The following SPG21 variants were observed in gnomAD, a reference collection of about 807,000 sequenced individuals.
The protein encoded by SPG21 is maspardin.
A neutral mutation model predicts 38.9 loss-of-function variants in SPG21; 26 were observed. The ratio of observed to expected loss-of-function variants is 0.67; its 90% CI spans 0.49 to 0.93. The LOEUF is 0.93. Among genes scored for constraint, SPG21 ranks in the 40% least tolerant of loss-of-function variants. The pLI is 0.00. For synonymous variants in SPG21, 136 were observed against 128.9 expected (o/e 1.05, Z -0.37); for missense variants, 333 against 376.5 (o/e 0.88, Z 0.96).
intron 5 of SPG21, 141 bp downstream of exon 5, chr15:64,974,461 C>A: frequency 1.0e-6 from 1 of 968,644 alleles, no homozygotes. Context: ...GGTGACAGAG[C>A]AAGACTCTGT....
intron 7 of SPG21, among the ~76,000 whole-genome samples, chr15:64,967,634 C>T (rs963722003): frequency 9.2e-5 from 14 of 152,082 alleles, no homozygotes; most frequent in East Asian, 1.9e-4. Context: ...CCACCATGCC[C>T]GGCTAATTTT....
chr15:64,987,797 G>A (rs2086025096), intron 1 of SPG21, among the ~76,000 whole-genome samples: 1 of 152,190 alleles, frequency 6.6e-6, no homozygotes. Context: ...CACTTTGGGA[G>A]GCTGAGGCAG....
intron 7 of SPG21, among the ~76,000 whole-genome samples, chr15:64,965,858 C>T (rs1049828703): frequency 2.6e-5 from 4 of 151,944 alleles, no homozygotes; most frequent in Admixed American, 6.6e-5. Context: ...TGCGCCATCA[C>T]GCCTGGCTAA....
chr15:64,983,908 C>T (rs1429389816), intron 1 of SPG21, among the ~76,000 whole-genome samples: 1 of 151,818 alleles, frequency 6.6e-6, no homozygotes, highest in Admixed American at 6.6e-5. Context: ...CTCAGCCTCC[C>T]GAGTATCTGG....
intron 2 of SPG21, chr15:64,981,247 T>A (rs1410423844): frequency 3.7e-6 from 2 of 534,348 alleles, no homozygotes; most frequent in Non-Finnish European, 6.6e-6. Flanking sequence ...TACTTTATAA[T>A]CTTCCAAAGG....
chr15:64,973,160 G>C (rs1414841491), intron 5 of SPG21, among the ~76,000 whole-genome samples: 1 of 151,832 alleles, frequency 6.6e-6, no homozygotes, highest in Non-Finnish European at 1.5e-5. Context: ...GTAGAGATGG[G>C]GTCTCACTAT....
chr15:64,964,115 A>T (rs898805555), intron 8 of SPG21, among the ~76,000 whole-genome samples: 1 of 152,170 alleles, frequency 6.6e-6, no homozygotes, highest in Non-Finnish European at 1.5e-5. Context: ...TTCTATAAAA[A>T]GTTTGGTAGG....
intron 7 of SPG21, 99 bp from the exon 8 acceptor site, chr15:64,965,559 C>T: frequency 1.9e-6 from 3 of 1,554,322 alleles, no homozygotes; most frequent in Non-Finnish European, 2.6e-6. Flanking sequence ...GTTCTTTTCA[C>T]ATTATGGAAA....
In SPG21 at chr15:64,976,556, C is replaced by A. The variant is rs1386151123; in HGVS notation, c.226-1G>T. The stretch of plus-strand genomic sequence containing the variant: ...GGTCCCAATAAACTGGATACTGCAA[C>A]TGAAATAATAACGATAATTTTATTT... On this transcript the variant is annotated splice_acceptor_variant, in intron 3 of 8. Transcript: ENST00000204566. LOFTEE classifies it high-confidence loss of function. 2 of 1,605,090 alleles carry A rather than the reference C, an allele frequency of 1.2e-6. No homozygotes were observed. The highest frequency in any genetic ancestry group is 2.2e-5 in the East Asian group (1 of 44,812).
chr15:64,976,431 T>TAA, intron 4 of SPG21, 44 bp downstream of exon 4: 22 of 1,348,668 alleles, frequency 1.6e-5, no homozygotes, highest in Non-Finnish European at 2.2e-5. Flanking sequence ...TCTCAAAAAA[T>TAA]AAAAAAAAAA....
chr15:64,967,217 C>T (rs1479355530), intron 7 of SPG21, among the ~76,000 whole-genome samples: 1 of 151,408 alleles, frequency 6.6e-6, no homozygotes, highest in East Asian at 1.9e-4. Flanking sequence ...AAGTAGGATA[C>T]ATCTACTATG....
intron 7 of SPG21, 125 bp downstream of exon 7, chr15:64,969,130 G>A (rs893632029): frequency 1.4e-6 from 1 of 712,386 alleles, no homozygotes; most frequent in South Asian, 1.6e-5. Flanking sequence ...AAGCTGGAGG[G>A]TAAAAACAAA....
intron 7 of SPG21, 120 bp from the exon 8 acceptor site, chr15:64,965,580 A>G: frequency 1.4e-6 from 2 of 1,456,592 alleles, no homozygotes; most frequent in Non-Finnish European, 1.9e-6. Flanking sequence ...TGTTACCCTA[A>G]GTATTCCTTT....
intron 3 of SPG21, among the ~76,000 whole-genome samples, chr15:64,977,389 ACTCT>A (rs1010218988): frequency 6.9e-6 from 1 of 143,994 alleles, no homozygotes; most frequent in African/African-American, 2.6e-5. Flanking sequence ...ATAGGGTCTC[ACTCT>A]CTCTCACCCA....
At chr15:64,974,279 A>G (rs1176480705) in intron 5 of SPG21, among the ~76,000 whole-genome samples, 3 of 152,170 alleles carry the variant, frequency 2.0e-5, no homozygotes, top group Non-Finnish European at 4.4e-5. Flanking sequence ...CCAGCATGGG[A>G]CAACATGGCA....
rs749945579 is a variant in SPG21, at chr15:64,963,703, C to T, written c.844G>A (p.Ala282Thr). Residue 282 changes from alanine (A) to threonine (T), a missense_variant, in exon 9 of 9, where the codon GCG (alanine) becomes ACG (threonine). Physicochemically the swap from Ala to Thr is moderately conservative, Grantham distance 58. Transcript: ENST00000204566. Reference sequence around the variant, plus strand: ...CTGACCATTGATGGGTCAATGGCCGCGTATTTGGTTCCATGGAATTGCAGC... The same window carrying T: ...CTGACCATTGATGGGTCAATGGCCGTGTATTTGGTTCCATGGAATTGCAGC... ...HLLQFHGTKY[A>T]AIDPSMVSAE... The T allele has an allele frequency of 1.5e-5, 25 of 1,613,998 alleles. No individual in the cohort carries two copies. In the East Asian group the frequency reaches 1.6e-4, roughly 10 times the overall value.
At position 64,963,555 on chromosome 15, in the gene SPG21, G is replaced by C; in HGVS notation, c.*65C>G. ...CCTGAAGGAAAAGGCTGGCTGACGG[G>C]TGCTGATGCCACTGACTATACAAGA... On this transcript the variant is annotated 3_prime_UTR_variant, in exon 9 of 9. Coordinates refer to ENST00000204566, the MANE Select transcript of SPG21 (RefSeq NM_016630.7). 7.3e-7 allele frequency: 1 copy of C among 1,364,514 alleles called. No individual in the cohort carries two copies. The highest frequency in any genetic ancestry group is 1.0e-6 in the Non-Finnish European group (1 of 955,404). The allele number at this position is 1,364,514 out of a possible 1,614,324, so 84.5% of individuals were successfully genotyped here. A position where few individuals can be genotyped will look rare whatever the true frequency, so the allele number is the denominator to read the frequency against.
At chr15:64,987,554 G>A (rs188666897) in intron 1 of SPG21, 1 of 152,356 alleles carries the variant, frequency 6.6e-6, no homozygotes, top group East Asian at 1.9e-4. Flanking sequence ...AAGAAAGAAT[G>A]TGGACCATGA....
rs759214912 is a variant in SPG21, at chr15:64,982,142, C to CTTTTCT, written c.64-1118_64-1117insAGAAAA. On this transcript the variant is annotated intron_variant, in intron 2 of 8. Transcript: ENST00000204566. ...CCACTCACATTTTTTCTTTTCTTTT[C>CTTTTCT]TTTTTTTTTTTTTTTTTTTTGAGAC... Among the ~76,000 whole-genome samples the CTTTTCT allele has an allele frequency of 9.6e-5, 11 of 114,628 alleles. No homozygotes were observed. The South Asian group carries it at 1.9e-3, about 19-fold the overall frequency. 75.2% of individuals were successfully genotyped at this position (114,628 alleles called of 152,430 possible).
Sources: gnomAD v4.1 joint callset for allele counts (sites outside exome capture counted in the v4.1 genomes callset) on GRCh38, gnomAD v4.1.1 for gene constraint, MANE v1.5 for transcripts, NCBI Gene and HGNC (gene_info 2026-07-23, HGNC 2026-07-21) for gene names.